Variants in ACYP2 observed in about 807,000 individuals in gnomAD.
The protein encoded by ACYP2 is acylphosphatase-2.
In ACYP2, 12 loss-of-function variants were observed where a neutral mutation model predicts 11.2. The ratio of observed to expected loss-of-function variants is 1.08; its 90% CI spans 0.69 to 1.74. The LOEUF is 1.74. Among genes scored for constraint, ACYP2 ranks in the 40% most tolerant of loss-of-function variants. The probability of loss-of-function intolerance (pLI) is 0.00; values close to 1 mark genes in which losing one functional copy is unlikely to be tolerated. For synonymous variants in ACYP2, 43 were observed against 32.2 expected, an observed-to-expected ratio of 1.33 and a Z score of -1.13; for missense variants, 134 against 101.9, an observed-to-expected ratio of 1.31 and a Z score of -1.35.
At chr2:54,285,170 T>C (rs1361769450) in intron 6 of ACYP2, among the ~76,000 whole-genome samples, 1 of 152,186 alleles carries the variant, frequency 6.6e-6, no homozygotes, top group Non-Finnish European at 1.5e-5. Context: ...TACTGGTCCC[T>C]TTGGAATCCT....
intron 2 of ACYP2, among the ~76,000 whole-genome samples, chr2:54,045,219 C>G (rs760494714): frequency 1.8e-4 from 28 of 152,238 alleles, no homozygotes; most frequent in Non-Finnish European, 3.8e-4. Flanking sequence ...TCCAACTGAT[C>G]AATGACCCCA....
intron 4 of ACYP2, among the ~76,000 whole-genome samples, chr2:54,060,277 C>A (rs1676392783): frequency 6.6e-6 from 1 of 151,802 alleles, no homozygotes; most frequent in South Asian, 2.1e-4. Flanking sequence ...TCTTTTTTAT[C>A]TTTTGAGTTT....
At chr2:54,256,707 T>C (rs1293400460) in intron 6 of ACYP2, among the ~76,000 whole-genome samples, 2 of 152,242 alleles carry the variant, frequency 1.3e-5, no homozygotes, top group Non-Finnish European at 2.9e-5. Flanking sequence ...AATGGCATGA[T>C]CTCAGCTCAC....
rs184452315 is a variant in ACYP2, at chr2:54,068,024, G to A, written c.277+10664G>A. Among the ~76,000 whole-genome samples, 56 of 152,328 alleles carry A rather than the reference G, an allele frequency of 3.7e-4. 1 individual carries two copies. The East Asian group carries it at 0.01, about 28-fold the overall frequency. On this transcript the variant is annotated intron_variant, in intron 4 of 6. Coordinates refer to ENST00000607452, the MANE Select transcript of ACYP2 (RefSeq NM_001320586.2). ...TTTAATGTGGCGTTTGACTTTACAG[G>A]TGTATTTTGTCATGGCAGTCGTCCA...
chr2:54,245,710 A>AT (rs201904157), intron 6 of ACYP2, among the ~76,000 whole-genome samples: 36,963 of 142,790 alleles, frequency 0.26, 4,812 homozygotes, highest in South Asian at 0.47. Flanking sequence ...TTTTAATCAG[A>AT]TTTTTTTTTT....
At chr2:53,973,070 G>C (rs1671252714) in intron 1 of ACYP2, among the ~76,000 whole-genome samples, 1 of 152,170 alleles carries the variant, frequency 6.6e-6, no homozygotes, top group Non-Finnish European at 1.5e-5. Flanking sequence ...TTCACAAAAA[G>C]CAGAGAGAGG....
chr2:54,263,004 G>C (rs1687848567), intron 6 of ACYP2, among the ~76,000 whole-genome samples: 1 of 152,192 alleles, frequency 6.6e-6, no homozygotes, highest in Non-Finnish European at 1.5e-5. Flanking sequence ...AGAATCACCT[G>C]AGGCTGGAGT....
At chr2:54,019,405 C>T (rs977695886) in intron 2 of ACYP2, among the ~76,000 whole-genome samples, 1 of 151,648 alleles carries the variant, frequency 6.6e-6, no homozygotes. Flanking sequence ...GACACACAGT[C>T]TCACTCTGTC....
chr2:54,201,646 C>CTTTGTTTCTT (rs1250413188), intron 6 of ACYP2, among the ~76,000 whole-genome samples: 4 of 75,004 alleles, frequency 5.3e-5, no homozygotes, highest in African/African-American at 2.0e-4. Flanking sequence ...CTCTTTCTTT[C>CTTTGTTTCTT]TTTCTTTCTT....
At chr2:54,221,464 A>G (rs1199752937) in intron 6 of ACYP2, among the ~76,000 whole-genome samples, 1 of 151,414 alleles carries the variant, frequency 6.6e-6, no homozygotes, top group Non-Finnish European at 1.5e-5. Context: ...TAAAACACCA[A>G]TTATTTGAGA....
Position 54,138,743 on chromosome 2 carries a change from T to C in ACYP2, c.399T>C (p.Asn133=). The change falls in exon 6 of 7, where the codon AAT becomes AAC. Residue 133 remains asparagine (N), a synonymous_variant. Transcript: ENST00000607452. The stretch of plus-strand genomic sequence containing the variant: ...TGCAGGGGCCAGAAGACAAAGTCAA[T>C]TCCATGTGAGTAGTAAAATTAATAA... 1.2e-6 allele frequency: 2 copies of C among 1,611,000 alleles called. No individual in the cohort carries two copies. Among genetic ancestry groups the C allele is most frequent in the South Asian group, 1.1e-5 (1 of 90,554 alleles).
intron 6 of ACYP2, among the ~76,000 whole-genome samples, chr2:54,159,373 T>G (rs1682603367): frequency 7.9e-6 from 1 of 126,836 alleles, no homozygotes; most frequent in African/African-American, 3.4e-5. Flanking sequence ...TTTAGGATGC[T>G]TTTTTTTTTT....
chr2:54,097,870 TTCTCTC>T (rs112622014), intron 4 of ACYP2, among the ~76,000 whole-genome samples: 5 of 136,322 alleles, frequency 3.7e-5, no homozygotes, highest in South Asian at 2.3e-4. Flanking sequence ...TTCTTTCTCT[TTCTCTC>T]TCTCTCTCTC....
chr2:54,150,677 C>T (rs749198566), intron 6 of ACYP2, among the ~76,000 whole-genome samples: 8 of 152,064 alleles, frequency 5.3e-5, no homozygotes, highest in Non-Finnish European at 8.8e-5. Context: ...CCATCTCGGC[C>T]TCCCAAAGTG....
At chr2:54,038,036 C>T (rs1675006017) in intron 2 of ACYP2, among the ~76,000 whole-genome samples, 1 of 152,178 alleles carries the variant, frequency 6.6e-6, no homozygotes, top group South Asian at 2.1e-4. Flanking sequence ...ATTTAATATT[C>T]AGTGTTACCA....
intron 4 of ACYP2, among the ~76,000 whole-genome samples, chr2:54,086,461 G>A (rs555917173): frequency 1.4e-4 from 22 of 152,284 alleles, no homozygotes; most frequent in African/African-American, 5.1e-4. Context: ...TCTCACAAGC[G>A]GGTGTGGGAA....
chr2:54,296,678 A>C (rs1689536394), intron 6 of ACYP2, among the ~76,000 whole-genome samples: 2 of 151,940 alleles, frequency 1.3e-5, no homozygotes, highest in South Asian at 4.1e-4. Context: ...AGGCAACATG[A>C]TTTTTGTAAA....
chr2:53,976,767 G>A (rs1448210847), intron 2 of ACYP2, among the ~76,000 whole-genome samples: 1 of 152,162 alleles, frequency 6.6e-6, no homozygotes, highest in Non-Finnish European at 1.5e-5. Context: ...TTGAACTAGA[G>A]TATATGTGGA....
chr2:54,038,064 A>G (rs1675007506), intron 2 of ACYP2, among the ~76,000 whole-genome samples: 1 of 152,216 alleles, frequency 6.6e-6, no homozygotes, highest in African/African-American at 2.4e-5. Context: ...CCCTTATATA[A>G]TAAGGAAATT....
Sources: allele counts gnomAD v4.1 joint callset (sites outside exome capture counted in the v4.1 genomes callset), GRCh38; gene constraint gnomAD v4.1.1; transcripts MANE v1.5; gene names NCBI Gene and HGNC (gene_info 2026-07-23, HGNC 2026-07-21).